ZNF343: variants seen among roughly 807,000 people sequenced by gnomAD.
The protein encoded by ZNF343 is zinc finger protein 343.
Under a neutral mutation model 13.8 loss-of-function variants are expected in ZNF343, and 11 were observed. That is an observed-to-expected ratio of 0.80 (90% confidence interval 0.50 to 1.32). ZNF343 has a LOEUF of 1.32. ZNF343 is among the 40% of genes most tolerant of loss of function. The probability of loss-of-function intolerance (pLI) is 0.00; values close to 1 mark genes in which losing one functional copy is unlikely to be tolerated. For missense variants in ZNF343, 658 were observed against 714.2 expected (o/e 0.92, Z 0.90); for synonymous variants, 248 against 260.0 (o/e 0.95, Z 0.44).
chr20:2,522,417 G>A (rs2085786496), intron 1 of ZNF343, among the ~76,000 whole-genome samples: 1 of 152,102 alleles, frequency 6.6e-6, no homozygotes, highest in Non-Finnish European at 1.5e-5. Flanking sequence ...AAGGTACTTT[G>A]GAGTTACCTT....
chr20:2,520,443 G>A (rs1308713760), intron 1 of ZNF343, among the ~76,000 whole-genome samples: 1 of 151,924 alleles, frequency 6.6e-6, no homozygotes, highest in African/African-American at 2.4e-5. Context: ...GATCAGCCTG[G>A]ACAACATGGC....
Position 2,493,809 on chromosome 20 carries a change from C to A in ZNF343, c.87G>T (p.Met29Ile), listed in dbSNP as rs962471545. ...LPKNGENVET[M>I]KKLTQNHKAK... Reference sequence around the variant, plus strand: ...CTTTATGATTTTGGGTCAATTTCTTCATAGTCTCTACATTTTCCCCATTCT... The same window carrying A: ...CTTTATGATTTTGGGTCAATTTCTTAATAGTCTCTACATTTTCCCCATTCT... Residue 29 changes from methionine to isoleucine, a missense_variant, in exon 3 of 6, where the codon ATG becomes ATT. Met to Ile is a conservative substitution (Grantham distance 10). Coordinates refer to ENST00000278772, the MANE Select transcript of ZNF343 (RefSeq NM_024325.6). 1.2e-6 allele frequency: 2 copies of A among 1,613,946 alleles called. No homozygotes were observed. Among genetic ancestry groups the A allele is most frequent in the Admixed American group, 1.7e-5 (1 of 60,024 alleles).
intron 2 of ZNF343, among the ~76,000 whole-genome samples, chr20:2,498,017 C>A (rs191487409): frequency 6.6e-6 from 1 of 152,262 alleles, no homozygotes; most frequent in Admixed American, 6.5e-5. Context: ...GGTCCCTGAT[C>A]CTTAAAGAGC....
intron 2 of ZNF343, among the ~76,000 whole-genome samples, chr20:2,497,946 G>GACTGATTCACA (rs2085488297): frequency 6.6e-6 from 1 of 151,416 alleles, no homozygotes; most frequent in African/African-American, 2.4e-5. Flanking sequence ...AAATGCTCAC[G>GACTGATTCACA]AAGACTGATT....
intron 1 of ZNF343, among the ~76,000 whole-genome samples, chr20:2,521,906 G>C (rs1367053677): frequency 6.6e-6 from 1 of 152,210 alleles, no homozygotes; most frequent in African/African-American, 2.4e-5. Flanking sequence ...TAGCGAGTGA[G>C]GGAAGCAGGA....
At position 2,483,274 on chromosome 20, in the gene ZNF343, G is replaced by A; in HGVS notation, c.1687C>T (p.Leu563Phe). The part of the protein sequence containing the change: ...ECGRGFSRKS[L>F]LLVHQRTHSG... Reference sequence around the variant, plus strand: ...TGTGTCCTCTGGTGGACAAGGAGGAGTGATTTCCGGCTAAAGCCTCGGCCA... The same window carrying A: ...TGTGTCCTCTGGTGGACAAGGAGGAATGATTTCCGGCTAAAGCCTCGGCCA... The change falls in exon 6 of 6, where the codon CTC (leucine) becomes TTC (phenylalanine). Residue 563 changes from leucine to phenylalanine, a missense_variant. Physicochemically the swap from Leu to Phe is conservative, Grantham distance 22 (BLOSUM62 0). Coordinates refer to ENST00000278772, the MANE Select transcript of ZNF343 (RefSeq NM_024325.6). The A allele has an allele frequency of 6.2e-7, 1 of 1,606,184 alleles. No homozygotes were observed. Among genetic ancestry groups the A allele is most frequent in the Non-Finnish European group, 8.5e-7 (1 of 1,177,278 alleles).
intron 2 of ZNF343, among the ~76,000 whole-genome samples, chr20:2,500,012 A>T (rs1050453824): frequency 5.9e-5 from 9 of 152,290 alleles, no homozygotes; most frequent in African/African-American, 1.9e-4. Context: ...TTTTTAACAA[A>T]TAGTCCTTCT....
At chr20:2,504,547 C>T (rs2085623563) in intron 1 of ZNF343, among the ~76,000 whole-genome samples, 1 of 152,168 alleles carries the variant, frequency 6.6e-6, no homozygotes, top group South Asian at 2.1e-4. Flanking sequence ...ATGCAAAAAT[C>T]CTCAATAAAA....
intron 1 of ZNF343, among the ~76,000 whole-genome samples, chr20:2,502,570 G>A (rs1424294066): frequency 1.3e-5 from 2 of 151,796 alleles, no homozygotes; most frequent in South Asian, 2.1e-4. Flanking sequence ...GAGAAAGGTC[G>A]GGTTACCCAC....
At chr20:2,517,794 G>A (rs538319526) in intron 1 of ZNF343, among the ~76,000 whole-genome samples, 8 of 151,772 alleles carry the variant, frequency 5.3e-5, no homozygotes, top group South Asian at 2.1e-4. Context: ...GGAGTGAGCC[G>A]TTGCCCTTGG....
At chr20:2,498,734 C>G (rs964347900) in intron 2 of ZNF343, among the ~76,000 whole-genome samples, 5 of 152,224 alleles carry the variant, frequency 3.3e-5, no homozygotes, top group African/African-American at 1.2e-4. Flanking sequence ...TTCCTCACAA[C>G]TCCCTGAGAT....
rs1276343835 is a variant in ZNF343, at chr20:2,483,825, T to C, written c.1136A>G (p.Lys379Arg). The change falls in exon 6 of 6, where the codon AAA becomes AGA. Residue 379 changes from lysine to arginine, a missense_variant. By Grantham distance (26) the Lys-to-Arg change is conservative. Coordinates refer to ENST00000278772, the MANE Select transcript of ZNF343 (RefSeq NM_024325.6). ...TCCACACTCCAGGCACACATAGGGT[T>C]TCTCACCGGAGTGTGTCCTCTGGTG... ...IRHQRTHSGE[K>R]PYVCLECGRS... is the part of the protein sequence containing the mutation. 1.2e-6 allele frequency: 2 copies of C among 1,613,872 alleles called. No homozygotes were observed. The highest frequency in any genetic ancestry group is 1.7e-5 in the Admixed American group (1 of 59,982).
chr20:2,509,869 G>A (rs1258559313), upstream of ZNF343, among the ~76,000 whole-genome samples: 2 of 152,254 alleles, frequency 1.3e-5, no homozygotes, highest in East Asian at 3.9e-4. Flanking sequence ...CGCCCTTGGA[G>A]TATTTCCATG....
At chr20:2,524,397 G>A (rs1469099352) in intron 1 of ZNF343, 1 of 152,282 alleles carries the variant, frequency 6.6e-6, no homozygotes, top group Non-Finnish European at 1.5e-5. Context: ...GAGAACGTGT[G>A]ATTTTGAGGT....
chr20:2,509,601 G>A (rs923951234), upstream of ZNF343, among the ~76,000 whole-genome samples: 21 of 152,158 alleles, frequency 1.4e-4, no homozygotes, highest in Non-Finnish European at 2.5e-4. Flanking sequence ...GCGTGGTGGC[G>A]CGCGCCTGGG....
intron 1 of ZNF343, among the ~76,000 whole-genome samples, chr20:2,514,263 T>C (rs2085750097): frequency 6.6e-6 from 1 of 152,214 alleles, no homozygotes; most frequent in Admixed American, 6.5e-5. Context: ...TGAATTGAGA[T>C]AAATATCACC....
At chr20:2,522,268 A>G (rs1176272014) in intron 1 of ZNF343, among the ~76,000 whole-genome samples, 2 of 152,220 alleles carry the variant, frequency 1.3e-5, no homozygotes, top group African/African-American at 2.4e-5. Flanking sequence ...AATACTGCTT[A>G]GATTTATCTA....
intron 1 of ZNF343, among the ~76,000 whole-genome samples, chr20:2,521,224 T>A (rs755579157): frequency 3.3e-5 from 5 of 152,142 alleles, no homozygotes; most frequent in Non-Finnish European, 5.9e-5. Flanking sequence ...ACTTACCCCC[T>A]GGGCAGATGG....
intron 1 of ZNF343, among the ~76,000 whole-genome samples, chr20:2,521,760 G>C (rs188772916): frequency 9.8e-5 from 15 of 152,344 alleles, no homozygotes; most frequent in Non-Finnish European, 1.9e-4. Flanking sequence ...TGAAATGGAA[G>C]ATGGGGTCTT....
Sources: gnomAD v4.1 joint callset for allele counts (sites outside exome capture counted in the v4.1 genomes callset) on GRCh38, gnomAD v4.1.1 for gene constraint, MANE v1.5 for transcripts, NCBI Gene and HGNC (gene_info 2026-07-23, HGNC 2026-07-21) for gene names.